FCRL2: variants seen among roughly 807,000 people sequenced by gnomAD.
The protein encoded by FCRL2 is Fc receptor-like protein 2.
FCRL2 carries 48 observed loss-of-function variants against 59.8 expected under a neutral mutation model. The observed-to-expected ratio is 0.80, with a 90% confidence interval of 0.64 to 1.02. FCRL2 has a LOEUF of 1.02. Among genes scored for constraint, FCRL2 ranks in the 50% least tolerant of loss-of-function variants. The pLI, the probability that FCRL2 is intolerant of heterozygous loss-of-function variation, is 0.00. For missense variants in FCRL2, 658 were observed against 597.3 expected (o/e 1.10, Z -1.06); for synonymous variants, 251 against 229.5 (o/e 1.09, Z -0.85).
chr1:157,747,769 T>G (rs1647860721), intron 10 of FCRL2, among the ~76,000 whole-genome samples: 1 of 152,204 alleles, frequency 6.6e-6, no homozygotes, highest in Non-Finnish European at 1.5e-5. Flanking sequence ...AACTCAGCAG[T>G]TCCTGCAAAG....
intron 2 of FCRL2, among the ~76,000 whole-genome samples, chr1:157,771,726 A>C (rs1353465152): frequency 6.6e-6 from 1 of 152,172 alleles, no homozygotes; most frequent in Non-Finnish European, 1.5e-5. Flanking sequence ...TGACATCTTC[A>C]TATTTTATGA....
At chr1:157,748,834 T>A in intron 9 of FCRL2, 41 bp downstream of exon 9, 1 of 1,588,066 alleles carries the variant, frequency 6.3e-7, no homozygotes, top group Non-Finnish European at 8.6e-7. Context: ...CTCTTTCTTT[T>A]CTGACTCAGC....
intron 7 of FCRL2, among the ~76,000 whole-genome samples, chr1:157,759,092 C>G (rs1010274259): frequency 6.6e-6 from 1 of 152,104 alleles, no homozygotes; most frequent in Non-Finnish European, 1.5e-5. Context: ...GCTGGTTACC[C>G]CCATGCTGTT....
At chr1:157,769,036 G>T (rs1649763324) in intron 4 of FCRL2, 1 of 192,462 alleles carries the variant, frequency 5.2e-6, no homozygotes, top group Non-Finnish European at 1.0e-5. Context: ...CTTCAGTCTT[G>T]CAGTGGAAAA....
chr1:157,769,845 C>T lies in FCRL2; in HGVS notation c.595+21G>A, dbSNP rs144038061. The T allele has an allele frequency of 1.9e-6, 3 of 1,605,684 alleles. 1 individual carries two copies. In the South Asian group the frequency reaches 3.3e-5, roughly 18 times the overall value. On this transcript the variant is annotated intron_variant, in intron 4 of 11. Coordinates refer to ENST00000361516, the MANE Select transcript of FCRL2 (RefSeq NM_030764.4). ...ACACTCCTATCTTTTTTTCTCCAGG[C>T]TCAGCCTCACTGATACTTGCTCTGC...
intron 7 of FCRL2, among the ~76,000 whole-genome samples, chr1:157,750,218 C>T (rs1412931986): frequency 6.6e-5 from 10 of 152,156 alleles, no homozygotes; most frequent in Admixed American, 4.6e-4. Flanking sequence ...AAACAAGAAA[C>T]GCAGTATATT....
At chr1:157,748,310 C>G (rs1376290069) in intron 10 of FCRL2, among the ~76,000 whole-genome samples, 1 of 152,070 alleles carries the variant, frequency 6.6e-6, no homozygotes, top group Non-Finnish European at 1.5e-5. Context: ...ACTCAGGAGT[C>G]TGAGAGAGGA....
At position 157,748,601 on chromosome 1, in the gene FCRL2, C is replaced by T. The variant is rs539191796; in HGVS notation, c.1411G>A (p.Asp471Asn). The T allele has an allele frequency of 6.2e-7, 1 of 1,613,976 alleles. No individual in the cohort carries two copies. Among genetic ancestry groups the T allele is most frequent in the Admixed American group, 1.7e-5 (1 of 60,016 alleles). Residue 471 changes from aspartate to asparagine, a missense_variant, in exon 10 of 12, where the codon GAT (aspartate) becomes AAT (asparagine). Transcript: ENST00000361516. ...VYVNVGSVDV[D>N]VVYSQVWSMQ... is the part of the protein sequence containing the mutation. ...CTCCAGACCTGAGAATAAACCACATCCACATCTACAGAGCCCACTGCAGGG... is the reference window on the plus strand; with the variant it reads ...CTCCAGACCTGAGAATAAACCACATTCACATCTACAGAGCCCACTGCAGGG...
chr1:157,773,673 C>T (rs1650194793), intron 2 of FCRL2, among the ~76,000 whole-genome samples: 1 of 152,074 alleles, frequency 6.6e-6, no homozygotes, highest in African/African-American at 2.4e-5. Flanking sequence ...AGTTTGAAGG[C>T]CTCAGCAGAA....
chr1:157,762,015 AAG>A (rs996758083), intron 7 of FCRL2, among the ~76,000 whole-genome samples: 2 of 152,170 alleles, frequency 1.3e-5, no homozygotes, highest in Non-Finnish European at 2.9e-5. Context: ...TTGCTGAGAA[AAG>A]AGAGCAGAGA....
At chr1:157,749,031 A>T (rs1647983316) in intron 8 of FCRL2, 71 bp from the exon 9 acceptor site, 1 of 1,335,312 alleles carries the variant, frequency 7.5e-7, no homozygotes, top group African/African-American at 1.4e-5. Context: ...AGACTGGCTG[A>T]GGAGAGAGCA....
chr1:157,767,589 A>G (rs1649614920), intron 5 of FCRL2, 80 bp from the exon 6 acceptor site: 1 of 1,614,086 alleles, frequency 6.2e-7, no homozygotes, highest in African/African-American at 1.3e-5. Flanking sequence ...CAGGCTCAGC[A>G]AAGGGCCTGG....
In FCRL2 at chr1:157,770,653, A is replaced by C. The variant is rs774351698; in HGVS notation, c.66T>G (p.Leu22=). Residue 22 remains leucine, a synonymous_variant, in exon 3 of 12, where the codon CTT becomes CTG. Transcript: ENST00000361516. ...AVTEQADSLT[L]VAPSSVFEGD... is the part of the protein sequence containing the mutation. ...CTTCGAAGACAGAAGAGGGCGCCAC[A>C]AGGGTCAGCGAATCTGGAAGAGAAG... 2.0e-5 allele frequency: 32 copies of C among 1,614,010 alleles called. No homozygotes were observed. In the East Asian group the frequency reaches 6.9e-4, roughly 35 times the overall value.
At chr1:157,761,497 T>C (rs965058306) in intron 7 of FCRL2, among the ~76,000 whole-genome samples, 6 of 152,110 alleles carry the variant, frequency 3.9e-5, no homozygotes, top group African/African-American at 1.4e-4. Context: ...TAGTTTCAGC[T>C]ACTCAGGAGA....
At chr1:157,749,775 T>C in intron 7 of FCRL2, 98 bp from the exon 8 acceptor site, 2 of 874,546 alleles carry the variant, frequency 2.3e-6, no homozygotes, top group Non-Finnish European at 3.7e-6. Flanking sequence ...TGGTAAGACA[T>C]AAGATATAGA....
At chr1:157,748,791 C>T (rs1209513884) in intron 9 of FCRL2, 84 bp downstream of exon 9, 28 of 1,346,392 alleles carry the variant, frequency 2.1e-5, no homozygotes, top group African/African-American at 2.9e-5. Flanking sequence ...GGGGTGTCTA[C>T]ACCACCCACC....
At chr1:157,776,998 T>C (rs773875416) in intron 1 of FCRL2, 45 bp downstream of exon 1, 1 of 1,571,648 alleles carries the variant, frequency 6.4e-7, no homozygotes, top group South Asian at 1.1e-5. Context: ...GCAGTAGACC[T>C]CATTCAGCTG....
intron 7 of FCRL2, among the ~76,000 whole-genome samples, chr1:157,757,733 C>T (rs1049119781): frequency 2.6e-5 from 4 of 152,170 alleles, no homozygotes; most frequent in East Asian, 1.9e-4. Flanking sequence ...GAGGCCGATG[C>T]AGGTGAATCA....
At chr1:157,769,378 C>CTGATTCTTA (rs2101746261) in intron 4 of FCRL2, 1 of 160,170 alleles carries the variant, frequency 6.2e-6, no homozygotes, top group African/African-American at 2.4e-5. Context: ...TAGTGCATTT[C>CTGATTCTTA]TGATTCTTAT....
Sources: gnomAD v4.1 joint callset for allele counts (sites outside exome capture counted in the v4.1 genomes callset) on GRCh38, gnomAD v4.1.1 for gene constraint, MANE v1.5 for transcripts, NCBI Gene and HGNC (gene_info 2026-07-23, HGNC 2026-07-21) for gene names.